The following TXNL1 variants were observed in gnomAD, a reference collection of about 807,000 sequenced individuals.
TXNL1 encodes the protein thioredoxin like 1.
TXNL1 carries 14 observed loss-of-function variants against 35.5 expected under a neutral mutation model. The observed-to-expected ratio is 0.39, with a 90% CI of 0.26 to 0.62. The LOEUF is 0.62. Among genes scored for constraint, TXNL1 ranks in the 20% least tolerant of loss-of-function variants. The probability of loss-of-function intolerance (pLI) is 0.47; values close to 1 mark genes in which losing one functional copy is unlikely to be tolerated. For synonymous variants in TXNL1, 110 were observed against 115.5 expected (o/e 0.95, Z 0.31); for missense variants, 263 against 349.7 (o/e 0.75, Z 1.98).
At chr18:56,603,680 G>GGCA (rs1198860219) in intron 7 of TXNL1, among the ~76,000 whole-genome samples, 1 of 152,022 alleles carries the variant, frequency 6.6e-6, no homozygotes. Flanking sequence ...CTATATATGT[G>GGCA]GCAGCATAAA....
chr18:56,597,440 G>C lies in TXNL1; in HGVS notation c.*5587C>G, dbSNP rs1014530979. The C allele has an allele frequency of 2.0e-5, 3 of 152,170 alleles. No individual in the cohort carries two copies. Among genetic ancestry groups the C allele is most frequent in the Non-Finnish European group, 4.4e-5 (3 of 68,022 alleles). The allele number at this position is 152,170 out of a possible 1,614,324, so 9.4% of individuals were successfully genotyped here. A position where few individuals can be genotyped will look rare whatever the true frequency, so the allele number is the denominator to read the frequency against. ...GATTCCTATAATTAAGCACTAGAAA[G>C]ACTGTTTCCACAATTTAATGGATTA... On this transcript the variant is annotated 3_prime_UTR_variant, in exon 8 of 8. Transcript: ENST00000217515.
At position 56,618,135 on chromosome 18, in the gene TXNL1, A is replaced by T. The variant is rs757742157; in HGVS notation, c.370-9T>A. On this transcript the variant is annotated splice_polypyrimidine_tract_variant and intron_variant, in intron 3 of 7. Transcript: ENST00000217515. ...AAAGGCATTAAATCCATCTGAAAAA[A>T]AATTGCAAGATTTTAGGCAACATAT... is the stretch of plus-strand genomic sequence containing the variant. The T allele has an allele frequency of 1.2e-6, 2 of 1,611,822 alleles. No individual in the cohort carries two copies. Among genetic ancestry groups the T allele is most frequent in the Non-Finnish European group, 1.7e-6 (2 of 1,178,632 alleles).
At chr18:56,612,986 G>A (rs550501076) in intron 6 of TXNL1, among the ~76,000 whole-genome samples, 21 of 151,720 alleles carry the variant, frequency 1.4e-4, no homozygotes, top group African/African-American at 5.1e-4. Flanking sequence ...GACTACAGGC[G>A]CATCACCATG....
chr18:56,604,052 C>A (rs929504891), intron 7 of TXNL1, among the ~76,000 whole-genome samples: 1 of 152,140 alleles, frequency 6.6e-6, no homozygotes, highest in African/African-American at 2.4e-5. Flanking sequence ...AAGCTTTCCA[C>A]TGAAATCCCA....
intron 1 of TXNL1, among the ~76,000 whole-genome samples, chr18:56,628,644 C>A (rs1023189497): frequency 1.3e-5 from 2 of 152,074 alleles, no homozygotes; most frequent in African/African-American, 4.8e-5. Context: ...GAAATCAAGA[C>A]AATGGTTACC....
At chr18:56,622,010 CAA>C (rs373833617) in intron 3 of TXNL1, among the ~76,000 whole-genome samples, 12,259 of 72,840 alleles carry the variant, frequency 0.17, 535 homozygotes, top group Middle Eastern at 0.22. Context: ...AACTCCATCT[CAA>C]AAAAAAAAAA....
intron 1 of TXNL1, among the ~76,000 whole-genome samples, chr18:56,633,622 A>T (rs1367641558): frequency 1.2e-5 from 1 of 83,462 alleles, no homozygotes; most frequent in Non-Finnish European, 2.1e-5. Flanking sequence ...CCTGTCTCAA[A>T]AAAAAAAAAA....
Position 56,630,195 on chromosome 18 carries a change from T to G in TXNL1, c.99-3738A>C, listed in dbSNP as rs186105183. Among the ~76,000 whole-genome samples, 315 of 148,182 alleles carry G rather than the reference T, an allele frequency of 2.1e-3. No individual in the cohort carries two copies. In the South Asian group the frequency reaches 0.025, roughly 12 times the overall value. On this transcript the variant is annotated intron_variant, in intron 1 of 7. Coordinates refer to ENST00000217515, the MANE Select transcript of TXNL1 (RefSeq NM_004786.3). ...CTGGGCAACAGAGCAAGACTCCAAC[T>G]TGGAAAAGAAAAAAAAAAAAAAAGA... is the stretch of plus-strand genomic sequence containing the variant.
At chr18:56,631,900 A>G (rs1222684262) in intron 1 of TXNL1, among the ~76,000 whole-genome samples, 6 of 151,862 alleles carry the variant, frequency 4.0e-5, no homozygotes, top group Non-Finnish European at 8.8e-5. Flanking sequence ...AGCCTAGGCA[A>G]AAACAGCGAA....
At chr18:56,612,040 T>A (rs1234598263) in intron 6 of TXNL1, among the ~76,000 whole-genome samples, 6 of 144,432 alleles carry the variant, frequency 4.2e-5, no homozygotes, top group Admixed American at 6.9e-5. Context: ...TTTTTTTTTT[T>A]AAATTTAGTA....
chr18:56,617,954 A>G (rs978811652), intron 4 of TXNL1, 50 bp downstream of exon 4: 1 of 1,593,196 alleles, frequency 6.3e-7, no homozygotes. Flanking sequence ...AAACAAGAGC[A>G]GGCATAAATA....
intron 1 of TXNL1, among the ~76,000 whole-genome samples, chr18:56,634,504 T>C (rs890897504): frequency 1.3e-5 from 2 of 152,340 alleles, no homozygotes; most frequent in South Asian, 4.1e-4. Context: ...TATGTAAGCG[T>C]TGACTATTTT....
At chr18:56,612,074 C>G (rs1397295822) in intron 6 of TXNL1, among the ~76,000 whole-genome samples, 2 of 147,936 alleles carry the variant, frequency 1.4e-5, no homozygotes, top group East Asian at 3.9e-4. Context: ...ACTGTGTTGC[C>G]CAGGGTGGTC....
At chr18:56,607,939 T>C (rs897324720) in intron 7 of TXNL1, among the ~76,000 whole-genome samples, 3 of 152,196 alleles carry the variant, frequency 2.0e-5, no homozygotes, top group African/African-American at 4.8e-5. Context: ...CTTAAGAGAA[T>C]GGTTTCTACT....
intron 1 of TXNL1, among the ~76,000 whole-genome samples, chr18:56,635,496 G>A (rs1221490079): frequency 6.6e-6 from 1 of 152,158 alleles, no homozygotes; most frequent in Non-Finnish European, 1.5e-5. Context: ...TATGCTAAGT[G>A]AAGTCAAAAA....
At chr18:56,623,516 C>G (rs1022340277) in intron 3 of TXNL1, among the ~76,000 whole-genome samples, 1 of 151,878 alleles carries the variant, frequency 6.6e-6, no homozygotes, top group African/African-American at 2.4e-5. Context: ...AACTTTGTAA[C>G]CAGAGAAATT....
chr18:56,619,026 A>T (rs2024135684), intron 3 of TXNL1, among the ~76,000 whole-genome samples: 1 of 151,940 alleles, frequency 6.6e-6, no homozygotes, highest in African/African-American at 2.4e-5. Flanking sequence ...CCTGGGCAAC[A>T]TAGTGAGACT....
intron 7 of TXNL1, chr18:56,609,357 A>G (rs554029650): frequency 6.6e-6 from 1 of 152,368 alleles, no homozygotes; most frequent in Non-Finnish European, 1.5e-5. Flanking sequence ...GACAGTCAGA[A>G]AAGAGAAAAT....
intron 1 of TXNL1, 60 bp downstream of exon 1, chr18:56,638,283 G>C: frequency 4.6e-6 from 7 of 1,511,942 alleles, no homozygotes; most frequent in Non-Finnish European, 6.3e-6. Context: ...GGCCAACAAA[G>C]AGTGAAAGGA....
Sources: gnomAD v4.1 joint callset for allele counts (sites outside exome capture counted in the v4.1 genomes callset) on GRCh38, gnomAD v4.1.1 for gene constraint, MANE v1.5 for transcripts, NCBI Gene and HGNC (gene_info 2026-07-23, HGNC 2026-07-21) for gene names.